The following RPH3A variants were observed in gnomAD, a reference collection of about 807,000 sequenced individuals.
RPH3A encodes the protein rabphilin-3A.
A neutral mutation model predicts 102.2 loss-of-function variants in RPH3A; 48 were observed. The observed-to-expected ratio is 0.47, with a 90% confidence interval of 0.37 to 0.60. The LOEUF is 0.60. Ranked by LOEUF, RPH3A falls within the 20% of genes least tolerant of loss-of-function variation. The pLI is 0.00. For missense variants in RPH3A, 781 were observed against 910.1 expected, an observed-to-expected ratio of 0.86 and a Z score of 1.83; for synonymous variants, 310 against 324.3, an observed-to-expected ratio of 0.96 and a Z score of 0.47.
chr12:112,649,269 G>A (rs537237555), intron 1 of RPH3A: 1 of 152,208 alleles, frequency 6.6e-6, no homozygotes, highest in Non-Finnish European at 1.5e-5. Context: ...AGAGTAATGA[G>A]ATTTTCTATT....
chr12:112,576,512 C>T (rs1205120477), intron 1 of RPH3A, among the ~76,000 whole-genome samples: 2 of 152,192 alleles, frequency 1.3e-5, no homozygotes, highest in African/African-American at 2.4e-5. Flanking sequence ...AGCCACCTCA[C>T]CCGGCCTTAA....
intron 1 of RPH3A, among the ~76,000 whole-genome samples, chr12:112,780,425 C>A (rs549248993): frequency 2.1e-5 from 3 of 142,764 alleles, no homozygotes; most frequent in African/African-American, 7.7e-5. Flanking sequence ...CATCTCATGT[C>A]CCCTAGGTTT....
intron 4 of RPH3A, 135 bp from the exon 5 acceptor site, chr12:112,847,561 T>C (rs923201257): frequency 2.4e-5 from 23 of 963,376 alleles, no homozygotes; most frequent in Admixed American, 2.2e-4. Flanking sequence ...GTGTGTCCCA[T>C]TGCAGAGAGG....
In RPH3A at chr12:112,895,769, G is replaced by A. The variant is rs1414718726; in HGVS notation, c.1858-8G>A. The A allele has an allele frequency of 6.2e-7, 1 of 1,605,846 alleles. No homozygotes were observed. Among genetic ancestry groups the A allele is most frequent in the East Asian group, 2.2e-5 (1 of 44,830 alleles). ...TCTTACCCACATGTCTTCCTCTGTT[G>A]TATTCAGGAGTTTTTCTATGACATC... On this transcript the variant is annotated splice_region_variant and splice_polypyrimidine_tract_variant and intron_variant, in intron 20 of 21. Coordinates refer to ENST00000389385, the MANE Select transcript of RPH3A (RefSeq NM_001143854.2).
intron 1 of RPH3A, among the ~76,000 whole-genome samples, chr12:112,677,591 C>G (rs1037860411): frequency 2.0e-5 from 3 of 151,424 alleles, no homozygotes; most frequent in Non-Finnish European, 4.4e-5. Flanking sequence ...TGAGCCACCC[C>G]ACCCTGCGAG....
rs1210541805 is a variant in RPH3A at position 112,796,999 on chromosome 12, G to A, written c.-19+4736G>A. Among the ~76,000 whole-genome samples the A allele has an allele frequency of 2.0e-5, 3 of 152,034 alleles. 1 individual carries two copies. The highest frequency in any genetic ancestry group is 4.2e-4 in the South Asian group (2 of 4,800). On this transcript the variant is annotated intron_variant, in intron 2 of 21. Coordinates refer to ENST00000389385, the MANE Select transcript of RPH3A (RefSeq NM_001143854.2). ...CGGGAGATAGAGGTTACAGTGAGTC[G>A]AGATCACACCACTGCACTCCAGCCT...
intron 1 of RPH3A, among the ~76,000 whole-genome samples, chr12:112,659,867 C>T (rs936089689): frequency 6.6e-6 from 1 of 152,136 alleles, no homozygotes; most frequent in Non-Finnish European, 1.5e-5. Flanking sequence ...TGCCCCTTTG[C>T]TTTCTGGTAC....
At chr12:112,654,747 G>A (rs931736758) in intron 1 of RPH3A, among the ~76,000 whole-genome samples, 1 of 152,160 alleles carries the variant, frequency 6.6e-6, no homozygotes, top group Non-Finnish European at 1.5e-5. Flanking sequence ...CTGGGCAAAG[G>A]TTATCCTCAG....
At chr12:112,579,548 TA>T (rs1488608378) in intron 1 of RPH3A, among the ~76,000 whole-genome samples, 1 of 152,218 alleles carries the variant, frequency 6.6e-6, no homozygotes, top group Non-Finnish European at 1.5e-5. Context: ...GTAAAGCCAT[TA>T]CATTTAATTT....
At chr12:112,879,273 G>C in intron 14 of RPH3A, 75 bp downstream of exon 14, 1 of 1,232,580 alleles carries the variant, frequency 8.1e-7, no homozygotes, top group South Asian at 1.3e-5. Context: ...GGGGATGGAT[G>C]ACCAGGCCTG....
At chr12:112,685,590 C>A (rs1284208689) in intron 1 of RPH3A, among the ~76,000 whole-genome samples, 2 of 152,152 alleles carry the variant, frequency 1.3e-5, no homozygotes, top group Non-Finnish European at 2.9e-5. Context: ...AAATCAGTGA[C>A]CTTTTAAGGG....
At chr12:112,812,721 C>G (rs898973170) in intron 2 of RPH3A, among the ~76,000 whole-genome samples, 2 of 152,122 alleles carry the variant, frequency 1.3e-5, no homozygotes, top group Non-Finnish European at 2.9e-5. Context: ...CACATACACA[C>G]AAAACCCCTT....
intron 1 of RPH3A, among the ~76,000 whole-genome samples, chr12:112,753,968 A>G (rs1418727508): frequency 6.6e-6 from 1 of 152,170 alleles, no homozygotes; most frequent in Non-Finnish European, 1.5e-5. Context: ...ATGGCAAGAG[A>G]GGCCAGAGTT....
intron 5 of RPH3A, among the ~76,000 whole-genome samples, chr12:112,860,353 A>T (rs577785307): frequency 7.2e-5 from 11 of 152,204 alleles, no homozygotes; most frequent in Non-Finnish European, 1.3e-4. Context: ...GAGCTGAGAC[A>T]TCTGAGTAAT....
At chr12:112,667,706 GAGAGAGAGAGAGAGA>G (rs2040096959) in intron 1 of RPH3A, among the ~76,000 whole-genome samples, 1 of 139,184 alleles carries the variant, frequency 7.2e-6, no homozygotes. Flanking sequence ...GAGAGAGAGA[GAGAGAGAGAGAGAGA>G]AATTACTGGA....
At position 112,825,692 on chromosome 12, in the gene RPH3A, T is replaced by G. The variant is rs2041856719; in HGVS notation, c.-18-2609T>G. Among the ~76,000 whole-genome samples the G allele has an allele frequency of 2.0e-5, 3 of 152,282 alleles. No individual in the cohort carries two copies. The South Asian group carries it at 6.2e-4, about 32-fold the overall frequency. On this transcript the variant is annotated intron_variant, in intron 2 of 21. Coordinates refer to ENST00000389385, the MANE Select transcript of RPH3A (RefSeq NM_001143854.2). The stretch of plus-strand genomic sequence containing the variant: ...CGTACCTTCTAGGCGCCAGACTCTA[T>G]GCTAGTGTTGGAGATTAAGCAGTGA...
chr12:112,693,582 C>T lies in RPH3A; in HGVS notation c.-139-98561C>T, dbSNP rs1312807349. On this transcript the variant is annotated intron_variant, in intron 1 of 21. Coordinates refer to the RPH3A transcript ENST00000543106. ...CTCTTCACTGCCTTTGCTCCTGCCA[C>T]GTGGCCCATCTGTTCCCTCTTCAAG... 3.9e-5 allele frequency among the ~76,000 whole-genome samples: 6 copies of T among 152,178 alleles called. No individual in the cohort carries two copies. In the East Asian group the frequency reaches 7.7e-4, roughly 20 times the overall value.
At chr12:112,878,134 G>C (rs1215775590) in intron 13 of RPH3A, among the ~76,000 whole-genome samples, 1 of 152,104 alleles carries the variant, frequency 6.6e-6, no homozygotes, top group South Asian at 2.1e-4. Flanking sequence ...ATGGGTCTGC[G>C]GTCTCAGGAG....
chr12:112,714,829 A>G (rs544945892), intron 1 of RPH3A, among the ~76,000 whole-genome samples: 37 of 152,302 alleles, frequency 2.4e-4, no homozygotes, highest in African/African-American at 8.9e-4. Flanking sequence ...CTAGTAATGG[A>G]ATGCATGCTG....
Sources: gnomAD v4.1 joint callset for allele counts (sites outside exome capture counted in the v4.1 genomes callset) on GRCh38, gnomAD v4.1.1 for gene constraint, MANE v1.5 for transcripts, NCBI Gene and HGNC (gene_info 2026-07-23, HGNC 2026-07-21) for gene names.